PCDH15: variants seen among roughly 807,000 people sequenced by gnomAD.
PCDH15 encodes the protein protocadherin-15.
In PCDH15, 129 loss-of-function variants were observed where a neutral mutation model predicts 178.5. That is an observed-to-expected ratio of 0.72 (90% CI 0.63 to 0.84). PCDH15 has a LOEUF of 0.84. Ranked by LOEUF, PCDH15 falls within the 40% of genes least tolerant of loss-of-function variation. The pLI, the probability that PCDH15 is intolerant of heterozygous loss-of-function variation, is 0.00. For synonymous variants in PCDH15, 800 were observed against 732.0 expected, an observed-to-expected ratio of 1.09 and a Z score of -1.50; for missense variants, 2,230 against 2,099.9, an observed-to-expected ratio of 1.06 and a Z score of -1.21.
chr10:55,530,061 T>C (rs978617008), intron 2 of PCDH15, among the ~76,000 whole-genome samples: 1 of 151,696 alleles, frequency 6.6e-6, no homozygotes, highest in Non-Finnish European at 1.5e-5. Flanking sequence ...CATTGTCTCA[T>C]TACTTTTCAT....
chr10:54,664,628 C>T (rs1036702330), intron 1 of PCDH15, among the ~76,000 whole-genome samples: 2 of 151,978 alleles, frequency 1.3e-5, no homozygotes, highest in African/African-American at 4.8e-5. Flanking sequence ...AGTTACTAAA[C>T]TTATGTTGTC....
At chr10:54,954,258 C>T (rs150419371) in intron 2 of PCDH15, among the ~76,000 whole-genome samples, 35 of 151,360 alleles carry the variant, frequency 2.3e-4, no homozygotes, top group African/African-American at 8.2e-4. Flanking sequence ...ACTCAGGCCT[C>T]TATTAAATTG....
intron 3 of PCDH15, among the ~76,000 whole-genome samples, chr10:54,470,207 T>C (rs2077810207): frequency 6.6e-6 from 1 of 152,174 alleles, no homozygotes; most frequent in Non-Finnish European, 1.5e-5. Context: ...GAGGTTACTT[T>C]CAGTTTTAGT....
intron 27 of PCDH15, among the ~76,000 whole-genome samples, chr10:53,863,318 G>A (rs931110143): frequency 3.3e-5 from 5 of 152,174 alleles, no homozygotes; most frequent in Non-Finnish European, 1.5e-5. Context: ...AACCAGTGAA[G>A]GAGACTGAGA....
At chr10:55,172,399 A>G (rs1839360248) in intron 1 of PCDH15, among the ~76,000 whole-genome samples, 2 of 151,998 alleles carry the variant, frequency 1.3e-5, no homozygotes, top group South Asian at 4.1e-4. Context: ...TGAGTAAAAG[A>G]TAGGGCATAA....
intron 16 of PCDH15, among the ~76,000 whole-genome samples, chr10:54,084,083 C>CT (rs34480492): frequency 0.026 from 3,793 of 148,212 alleles, 160 homozygotes; most frequent in African/African-American, 0.085. Context: ...TTAATGTGCA[C>CT]TTTTTTTTTT....
chr10:55,186,167 T>G (rs1839794647), intron 1 of PCDH15, among the ~76,000 whole-genome samples: 1 of 151,496 alleles, frequency 6.6e-6, no homozygotes, highest in African/African-American at 2.4e-5. Flanking sequence ...AATACATTAT[T>G]TGACTAAATA....
chr10:55,221,852 A>G (rs576346201), intron 1 of PCDH15, among the ~76,000 whole-genome samples: 91 of 151,662 alleles, frequency 6.0e-4, no homozygotes, highest in Admixed American at 5.9e-3. Context: ...TGTTTCTATA[A>G]TTTATTTATT....
chr10:54,320,460 C>A (rs1447950205), intron 7 of PCDH15, among the ~76,000 whole-genome samples: 1 of 151,930 alleles, frequency 6.6e-6, no homozygotes, highest in African/African-American at 2.4e-5. Context: ...GTAGGAGCAA[C>A]ATGTGGCATG....
At chr10:54,456,252 G>A (rs539745110) in intron 3 of PCDH15, among the ~76,000 whole-genome samples, 2 of 152,256 alleles carry the variant, frequency 1.3e-5, no homozygotes, top group Non-Finnish European at 2.9e-5. Flanking sequence ...AGCAGCTGAA[G>A]GGGGGGCATA....
chr10:55,598,228 G>A (rs1021145253), intron 2 of PCDH15, among the ~76,000 whole-genome samples: 5 of 151,724 alleles, frequency 3.3e-5, no homozygotes, highest in Non-Finnish European at 7.4e-5. Flanking sequence ...TATCTAAATC[G>A]TAAAAATCTC....
At chr10:54,930,267 C>A (rs1353275072) in intron 2 of PCDH15, among the ~76,000 whole-genome samples, 1 of 152,152 alleles carries the variant, frequency 6.6e-6, no homozygotes, top group Non-Finnish European at 1.5e-5. Flanking sequence ...CCTGGTACAA[C>A]CAATCTTTGA....
intron 2 of PCDH15, among the ~76,000 whole-genome samples, chr10:55,107,484 CTTTTT>C (rs11290952): frequency 4.6e-5 from 4 of 86,204 alleles, no homozygotes; most frequent in Admixed American, 1.6e-4. Flanking sequence ...ATTCTCTTTC[CTTTTT>C]TTTTTTTTTT....
intron 2 of PCDH15, among the ~76,000 whole-genome samples, chr10:54,623,936 C>T (rs1335162867): frequency 1.3e-5 from 2 of 152,000 alleles, no homozygotes; most frequent in Non-Finnish European, 1.5e-5. Context: ...ATACAAAATA[C>T]TATATTTTAA....
chr10:54,810,768 A>T (rs1425070608), intron 3 of PCDH15, among the ~76,000 whole-genome samples: 5 of 152,150 alleles, frequency 3.3e-5, no homozygotes, highest in Non-Finnish European at 7.4e-5. Context: ...GCAATAAAAA[A>T]ACTAAAATTT....
intron 1 of PCDH15, among the ~76,000 whole-genome samples, chr10:54,742,389 C>T (rs11004531): frequency 0.032 from 4,885 of 152,002 alleles, 223 homozygotes; most frequent in African/African-American, 0.094. Flanking sequence ...AGTTAACATA[C>T]GTGCCAGCCT....
chr10:54,027,939 A>G (rs2093162662), intron 18 of PCDH15, among the ~76,000 whole-genome samples: 1 of 151,424 alleles, frequency 6.6e-6, no homozygotes, highest in Admixed American at 6.6e-5. Context: ...AAATTGACAA[A>G]TGGGATCGAA....
intron 2 of PCDH15, among the ~76,000 whole-genome samples, chr10:55,069,109 T>C (rs1420103668): frequency 6.6e-6 from 1 of 151,542 alleles, no homozygotes; most frequent in Non-Finnish European, 1.5e-5. Flanking sequence ...GGTTGCCATA[T>C]TGGCCAAGCT....
intron 3 of PCDH15, among the ~76,000 whole-genome samples, chr10:54,878,298 C>T (rs1187653912): frequency 2.0e-5 from 3 of 152,144 alleles, no homozygotes; most frequent in African/African-American, 4.8e-5. Flanking sequence ...AATCAAGCAA[C>T]TTTAGGGAAA....
Sources: allele counts gnomAD v4.1 joint callset (sites outside exome capture counted in the v4.1 genomes callset), GRCh38; gene constraint gnomAD v4.1.1; transcripts MANE v1.5; gene names NCBI Gene and HGNC (gene_info 2026-07-23, HGNC 2026-07-21).